Variants in BICC1 observed in about 807,000 individuals in gnomAD.
BICC1 encodes BicC family RNA binding protein 1, also known as protein bicaudal C homolog 1.
Under a neutral mutation model 111.0 loss-of-function variants are expected in BICC1, and 43 were observed. The ratio of observed to expected loss-of-function variants is 0.39; its 90% CI spans 0.30 to 0.50. The LOEUF is 0.50. Ranked by LOEUF, BICC1 falls within the 20% of genes least tolerant of loss-of-function variation. The pLI, the probability that BICC1 is intolerant of heterozygous loss-of-function variation, is 0.88. For synonymous variants in BICC1, 467 were observed against 434.4 expected (o/e 1.07, Z -0.93); for missense variants, 1,091 against 1,203.2 (o/e 0.91, Z 1.38).
At chr10:58,789,627 C>G in intron 7 of BICC1, 55 bp from the exon 8 acceptor site, 1 of 1,587,314 alleles carries the variant, frequency 6.3e-7, no homozygotes, top group Non-Finnish European at 8.6e-7. Context: ...GAATCTTTCC[C>G]CGTATATGAA....
chr10:58,805,167 C>T (rs546742623), intron 15 of BICC1, among the ~76,000 whole-genome samples: 2 of 152,224 alleles, frequency 1.3e-5, no homozygotes, highest in African/African-American at 4.8e-5. Flanking sequence ...GTGGTGGGCG[C>T]CTGTAGTCTC....
intron 1 of BICC1, among the ~76,000 whole-genome samples, chr10:58,519,207 T>C (rs1427195): frequency 0.54 from 82,063 of 151,986 alleles, 23,214 homozygotes; most frequent in African/African-American, 0.71. Context: ...GTGGCTGTGT[T>C]TTGAGGTGTG....
At chr10:58,663,066 C>CTTTTTT (rs142149688) in intron 2 of BICC1, among the ~76,000 whole-genome samples, 1 of 81,736 alleles carries the variant, frequency 1.2e-5, no homozygotes, top group African/African-American at 4.5e-5. Context: ...TTTTCTTTTT[C>CTTTTTT]TTTTTTTTTT....
At chr10:58,656,915 A>C (rs977842390) in intron 2 of BICC1, among the ~76,000 whole-genome samples, 1 of 152,148 alleles carries the variant, frequency 6.6e-6, no homozygotes, top group Non-Finnish European at 1.5e-5. Context: ...AATCTTGACA[A>C]TGTCTCCATG....
chr10:58,538,869 C>T (rs576988330), intron 1 of BICC1, among the ~76,000 whole-genome samples: 7 of 151,860 alleles, frequency 4.6e-5, no homozygotes, highest in African/African-American at 1.2e-4. Flanking sequence ...CAAGTTAAAA[C>T]GCAACAAGAT....
At chr10:58,671,091 C>T (rs540729977) in intron 2 of BICC1, among the ~76,000 whole-genome samples, 5 of 152,258 alleles carry the variant, frequency 3.3e-5, no homozygotes, top group South Asian at 2.1e-4. Context: ...CCATGTAAGG[C>T]GGTTTCCCTC....
rs1205647388 is a variant in BICC1, at chr10:58,684,692, G to A, written c.238-17382G>A. Among the ~76,000 whole-genome samples the A allele has an allele frequency of 2.0e-5, 3 of 152,136 alleles. 1 individual carries two copies. The highest frequency in any genetic ancestry group is 7.2e-5 in the African/African-American group (3 of 41,438). Reference sequence around the variant, plus strand: ...GTGTTTATAGTATTCTCTGATGGTAGTTTGTATTTCTGTGGGATCGGTGGT... The same window carrying A: ...GTGTTTATAGTATTCTCTGATGGTAATTTGTATTTCTGTGGGATCGGTGGT... On this transcript the variant is annotated intron_variant, in intron 2 of 20. Coordinates refer to ENST00000373886, the MANE Select transcript of BICC1 (RefSeq NM_001080512.3).
intron 2 of BICC1, among the ~76,000 whole-genome samples, chr10:58,645,835 C>G (rs1838253737): frequency 6.6e-6 from 1 of 152,172 alleles, no homozygotes; most frequent in South Asian, 2.1e-4. Flanking sequence ...TCCATCTTGC[C>G]AGAAGCAGTT....
At position 58,604,648 on chromosome 10, in the gene BICC1, G is replaced by A. The variant is rs557167236; in HGVS notation, c.191-16207G>A. Among the ~76,000 whole-genome samples, 5 of 152,184 alleles carry A rather than the reference G, an allele frequency of 3.3e-5. No individual in the cohort carries two copies. In the East Asian group the frequency reaches 7.7e-4, roughly 24 times the overall value. ...TGCACTCCAGCCTGGGTAACAGAGC[G>A]GGGGAAAAAATAAAATAAAATTAAG... On this transcript the variant is annotated intron_variant, in intron 1 of 20. Transcript: ENST00000373886.
intron 5 of BICC1, among the ~76,000 whole-genome samples, chr10:58,787,314 G>A (rs111632106): frequency 5.8e-4 from 89 of 152,222 alleles, no homozygotes; most frequent in African/African-American, 2.1e-3. Context: ...ATAAAAAATA[G>A]CGGAAGATGT....
At chr10:58,629,364 T>C (rs1217887103) in intron 2 of BICC1, among the ~76,000 whole-genome samples, 1 of 152,184 alleles carries the variant, frequency 6.6e-6, no homozygotes, top group Non-Finnish European at 1.5e-5. Context: ...CAGCCAGAAC[T>C]TAGCGATATT....
At chr10:58,581,922 C>T (rs933424274) in intron 1 of BICC1, among the ~76,000 whole-genome samples, 4 of 152,022 alleles carry the variant, frequency 2.6e-5, no homozygotes, top group Admixed American at 6.6e-5. Flanking sequence ...CCCCATGTTA[C>T]GATAACGGAT....
intron 1 of BICC1, among the ~76,000 whole-genome samples, chr10:58,568,768 C>T (rs980265803): frequency 3.3e-5 from 5 of 152,136 alleles, no homozygotes; most frequent in Non-Finnish European, 5.9e-5. Flanking sequence ...CCCTTGCCTT[C>T]CCTCAACTCA....
At chr10:58,532,042 T>A (rs1023762132) in intron 1 of BICC1, among the ~76,000 whole-genome samples, 1 of 151,650 alleles carries the variant, frequency 6.6e-6, no homozygotes, top group African/African-American at 2.4e-5. Flanking sequence ...CTTCCAAATG[T>A]GAAAAAGGAA....
chr10:58,664,361 G>A (rs968247267), intron 2 of BICC1, among the ~76,000 whole-genome samples: 5 of 152,160 alleles, frequency 3.3e-5, no homozygotes, highest in African/African-American at 7.2e-5. Flanking sequence ...CTTTGGTGAA[G>A]TATATGTTTG....
At chr10:58,704,640 G>A (rs1243144889) in intron 3 of BICC1, among the ~76,000 whole-genome samples, 2 of 152,114 alleles carry the variant, frequency 1.3e-5, no homozygotes, top group East Asian at 1.9e-4. Flanking sequence ...GGTCTTTAGA[G>A]CTTTTTCATT....
At chr10:58,794,245 A>G (rs931148684) in intron 9 of BICC1, among the ~76,000 whole-genome samples, 1 of 149,842 alleles carries the variant, frequency 6.7e-6, no homozygotes, top group Non-Finnish European at 1.5e-5. Flanking sequence ...TGTTTAGACT[A>G]CTTACTATAT....
At chr10:58,732,339 A>G (rs1385247572) in intron 3 of BICC1, among the ~76,000 whole-genome samples, 10 of 140,058 alleles carry the variant, frequency 7.1e-5, no homozygotes, top group African/African-American at 2.8e-4. Flanking sequence ...GAGAAAGAAG[A>G]GGAAGAGGAG....
intron 1 of BICC1, among the ~76,000 whole-genome samples, chr10:58,546,442 A>G (rs1182069906): frequency 6.6e-6 from 1 of 152,174 alleles, no homozygotes; most frequent in Non-Finnish European, 1.5e-5. Context: ...CAGTCTCCCA[A>G]TTTTTATTGT....
Sources: gnomAD v4.1 joint callset for allele counts (sites outside exome capture counted in the v4.1 genomes callset) on GRCh38, gnomAD v4.1.1 for gene constraint, MANE v1.5 for transcripts, NCBI Gene and HGNC (gene_info 2026-07-23, HGNC 2026-07-21) for gene names.